XKR8: variants seen among roughly 807,000 people sequenced by gnomAD.
XKR8 encodes XK-related protein 8.
A neutral mutation model predicts 17.1 loss-of-function variants in XKR8; 10 were observed. That is an observed-to-expected ratio of 0.59 (90% CI 0.36 to 0.99). XKR8 has a LOEUF of 0.99. XKR8 is among the 50% of genes least tolerant of loss of function. The pLI, the probability that XKR8 is intolerant of heterozygous loss-of-function variation, is 0.01. For missense variants in XKR8, 411 were observed against 515.6 expected (o/e 0.80, Z 1.96); for synonymous variants, 213 against 251.9 (o/e 0.85, Z 1.46).
rs1273826045 is a variant in XKR8, at chr1:27,965,040, C to T, written c.490+1347C>T. ...AAACAATAATAGCGGCTGTCACAATCGAGTGCCAGCTATTAGCCAGGCCCT... is the reference window on the plus strand; with the variant it reads ...AAACAATAATAGCGGCTGTCACAATTGAGTGCCAGCTATTAGCCAGGCCCT... On this transcript the variant is annotated intron_variant, in intron 2 of 2. Coordinates refer to ENST00000373884, the MANE Select transcript of XKR8 (RefSeq NM_018053.4). This position sits in a 1 kb window ranked among gnomAD's most constrained non-coding sequence, Gnocchi z 4.1. Among the ~76,000 whole-genome samples the T allele has an allele frequency of 2.6e-5, 4 of 152,302 alleles. No individual in the cohort carries two copies. The highest frequency in any genetic ancestry group is 4.1e-4 in the South Asian group (2 of 4,826).
rs1270256435 is a variant in XKR8 at position 27,960,921 on chromosome 1, G to A, written c.293+559G>A. Among the ~76,000 whole-genome samples the A allele has an allele frequency of 6.6e-6, 1 of 152,220 alleles. No individual in the cohort carries two copies. The highest frequency in any genetic ancestry group is 1.5e-5 in the Non-Finnish European group (1 of 68,036). On this transcript the variant is annotated intron_variant, in intron 1 of 2. Coordinates refer to ENST00000373884, the MANE Select transcript of XKR8 (RefSeq NM_018053.4). The surrounding 1 kb of genome is among the most constrained non-coding windows in gnomAD (Gnocchi z 5.9). ...GTTTGGTTGCTGTTCCCATTGGGATGGGGATAGCGCCTGCCCGTTTGGTGA... is the reference window on the plus strand; with the variant it reads ...GTTTGGTTGCTGTTCCCATTGGGATAGGGATAGCGCCTGCCCGTTTGGTGA...
chr1:27,965,807 G>A lies in XKR8; in HGVS notation c.491-696G>A, dbSNP rs928381755. ...GACGGGGACAGGGGAGGAAGCAGTCGGGAGACGTGCCGGTGCCACTTCCAT... is the reference window on the plus strand; with the variant it reads ...GACGGGGACAGGGGAGGAAGCAGTCAGGAGACGTGCCGGTGCCACTTCCAT... On this transcript the variant is annotated intron_variant, in intron 2 of 2. Coordinates refer to ENST00000373884, the MANE Select transcript of XKR8 (RefSeq NM_018053.4). The surrounding 1 kb of genome is among the most constrained non-coding windows in gnomAD (Gnocchi z 4.1). Among the ~76,000 whole-genome samples the A allele has an allele frequency of 7.2e-5, 11 of 152,160 alleles. No homozygotes were observed. The highest frequency in any genetic ancestry group is 2.6e-4 in the Admixed American group (4 of 15,274).
rs751595886 is a variant in XKR8 at position 27,966,886 on chromosome 1, C to G, written c.874C>G (p.Leu292Val). 3 of 1,614,238 alleles carry G rather than the reference C, an allele frequency of 1.9e-6. No homozygotes were observed. In the South Asian group the frequency reaches 3.3e-5, roughly 18 times the overall value. The change falls in exon 3 of 3, where the codon CTC becomes GTC. Residue 292 changes from leucine (L) to valine (V), a missense_variant. Physicochemically the swap from Leu to Val is conservative, Grantham distance 32. Transcript: ENST00000373884. This position sits in a 1 kb window ranked among gnomAD's most constrained non-coding sequence, Gnocchi z 4.3. ...CCGGGCCATCATCCACTTCGCCTTC[C>G]TCCTGAGTGACAGCATTCTCCTGGT... is the stretch of plus-strand genomic sequence containing the variant. ...RGRAIIHFAF[L>V]LSDSILLVAT...
Position 27,959,988 on chromosome 1 carries a change from C to T in XKR8, c.-82C>T. ...GGGCCGCCCCGAGGGCTGCGCCCAC[C>T]TCCTTCCTGCCTCGGCAACCCCGGG... On this transcript the variant is annotated 5_prime_UTR_variant, in exon 1 of 3. Coordinates refer to ENST00000373884, the MANE Select transcript of XKR8 (RefSeq NM_018053.4). The T allele has an allele frequency of 7.8e-7, 1 of 1,287,632 alleles. No individual in the cohort carries two copies. Among genetic ancestry groups the T allele is most frequent in the Non-Finnish European group, 1.0e-6 (1 of 1,002,078 alleles). The allele number at this position is 1,287,632 out of a possible 1,614,324, so 79.8% of individuals were successfully genotyped here.
At chr1:27,962,123 CT>C (rs1280543648) in intron 1 of XKR8, among the ~76,000 whole-genome samples, 3 of 152,224 alleles carry the variant, frequency 2.0e-5, no homozygotes, top group African/African-American at 7.2e-5. Context: ...CAAATGTCCT[CT>C]TGCCCACAGG....
In XKR8 at chr1:27,960,655, T is replaced by C. The variant is rs144413760; in HGVS notation, c.293+293T>C. ...GACCTCTCAGGGATCCACTTCTGGC[T>C]TTGCCCCCTCTCGCCTCACTTCTGC... is the stretch of plus-strand genomic sequence containing the variant. On this transcript the variant is annotated intron_variant, in intron 1 of 2. Coordinates refer to ENST00000373884, the MANE Select transcript of XKR8 (RefSeq NM_018053.4). This position sits in a 1 kb window ranked among gnomAD's most constrained non-coding sequence, Gnocchi z 5.9. Among the ~76,000 whole-genome samples the C allele has an allele frequency of 5.0e-3, 766 of 152,308 alleles. 5 individuals carry two copies. Among genetic ancestry groups the C allele is most frequent in the African/African-American group, 9.5e-3 (393 of 41,570 alleles).
chr1:27,966,627 G>A lies in XKR8; in HGVS notation c.615G>A (p.Leu205=). 6.2e-7 allele frequency: 1 copy of A among 1,614,076 alleles called. No individual in the cohort carries two copies. The highest frequency in any genetic ancestry group is 1.1e-5 in the South Asian group (1 of 91,078). Reference sequence around the variant, plus strand: ...TGGGCTCCTCCGTGATCTACTTCCTGTGGAACCTGCTGCTGCTGTGGCCCC... The same window carrying A: ...TGGGCTCCTCCGTGATCTACTTCCTATGGAACCTGCTGCTGCTGTGGCCCC... ...LGLGSSVIYF[L]WNLLLLWPRV... is the part of the protein sequence containing the mutation. The change falls in exon 3 of 3, where the codon CTG becomes CTA. Residue 205 remains leucine, a synonymous_variant. Coordinates refer to ENST00000373884, the MANE Select transcript of XKR8 (RefSeq NM_018053.4). The surrounding 1 kb of genome is among the most constrained non-coding windows in gnomAD (Gnocchi z 4.3).
At chr1:27,963,808 T>C (rs1638518972) in intron 2 of XKR8, 115 bp downstream of exon 2, 12 of 1,131,614 alleles carry the variant, frequency 1.1e-5, no homozygotes, top group Non-Finnish European at 1.5e-5. Flanking sequence ...AGAACAGGCT[T>C]TAGTCAGGCA....
chr1:27,966,692 G>C lies in XKR8; in HGVS notation c.680G>C (p.Ser227Thr), dbSNP rs371932080. 1 of 1,614,040 alleles carries C rather than the reference G, an allele frequency of 6.2e-7. No homozygotes were observed. The highest frequency in any genetic ancestry group is 1.3e-5 in the African/African-American group (1 of 74,908). Residue 227 changes from serine to threonine, a missense_variant, in exon 3 of 3, where the codon AGC becomes ACC. Ser to Thr is a moderately conservative substitution (Grantham distance 58, BLOSUM62 1). Coordinates refer to ENST00000373884, the MANE Select transcript of XKR8 (RefSeq NM_018053.4). The surrounding 1 kb of genome is among the most constrained non-coding windows in gnomAD (Gnocchi z 4.3). ...AVALFSALFP[S>T]YVALHFLGLW... Reference sequence around the variant, plus strand: ...GCCCTGTTCTCAGCCCTCTTCCCCAGCTATGTGGCCCTGCACTTCCTGGGC... The same window carrying C: ...GCCCTGTTCTCAGCCCTCTTCCCCACCTATGTGGCCCTGCACTTCCTGGGC...
intron 1 of XKR8, among the ~76,000 whole-genome samples, 171 bp from the exon 2 acceptor site, chr1:27,963,326 C>A (rs1205822102): frequency 6.6e-6 from 1 of 152,230 alleles, no homozygotes; most frequent in Non-Finnish European, 1.5e-5. Context: ...GGCCTCGATC[C>A]TCATTTTACA....
In XKR8 at chr1:27,967,777, T is replaced by A. The variant is rs1036306095; in HGVS notation, c.*577T>A. 6.6e-6 allele frequency: 1 copy of A among 152,598 alleles called. No individual in the cohort carries two copies. Among genetic ancestry groups the A allele is most frequent in the Non-Finnish European group, 1.5e-5 (1 of 68,100 alleles). The allele number at this position is 152,598 out of a possible 1,614,324, so 9.5% of individuals were successfully genotyped here. A position where few individuals can be genotyped will look rare whatever the true frequency, so the allele number is the denominator to read the frequency against. On this transcript the variant is annotated 3_prime_UTR_variant, in exon 3 of 3. Coordinates refer to ENST00000373884, the MANE Select transcript of XKR8 (RefSeq NM_018053.4). The surrounding 1 kb of genome is among the most constrained non-coding windows in gnomAD (Gnocchi z 4.3). ...TTCATCCGCTACTTGCACCAACCAG[T>A]CCCGGGTTAGATCCCAAATGCTAGA... is the stretch of plus-strand genomic sequence containing the variant.
chr1:27,965,735 G>A lies in XKR8; in HGVS notation c.491-768G>A, dbSNP rs1638554781. Reference sequence around the variant, plus strand: ...TGTTTCCAGGCTAGGAGTGGGTTCTGGGCGCCTAATAGGTTCCCAGTAAAC... The same window carrying A: ...TGTTTCCAGGCTAGGAGTGGGTTCTAGGCGCCTAATAGGTTCCCAGTAAAC... On this transcript the variant is annotated intron_variant, in intron 2 of 2. Transcript: ENST00000373884. The surrounding 1 kb of genome is among the most constrained non-coding windows in gnomAD (Gnocchi z 4.1). Among the ~76,000 whole-genome samples, 1 of 152,170 alleles carries A rather than the reference G, an allele frequency of 6.6e-6. No individual in the cohort carries two copies. Among genetic ancestry groups the A allele is most frequent in the African/African-American group, 2.4e-5 (1 of 41,426 alleles).
chr1:27,966,423 G>A lies in XKR8; in HGVS notation c.491-80G>A. 3 of 1,394,470 alleles carry A rather than the reference G, an allele frequency of 2.2e-6. No individual in the cohort carries two copies. The highest frequency in any genetic ancestry group is 1.4e-5 in the African/African-American group (1 of 69,936). 86.4% of individuals were successfully genotyped at this position (1,394,470 alleles called of 1,614,324 possible). On this transcript the variant is annotated intron_variant, in intron 2 of 2. Transcript: ENST00000373884. The surrounding 1 kb of genome is among the most constrained non-coding windows in gnomAD (Gnocchi z 4.3). ...TACCTACCCCAGGGTTGCTGGGAGG[G>A]CCCCCACGGTACCTGTGACCGCTGG...
At position 27,960,948 on chromosome 1, in the gene XKR8, G is replaced by A. The variant is rs1282676021; in HGVS notation, c.293+586G>A. On this transcript the variant is annotated intron_variant, in intron 1 of 2. Transcript: ENST00000373884. The surrounding 1 kb of genome is among the most constrained non-coding windows in gnomAD (Gnocchi z 5.9). ...GGATAGCGCCTGCCCGTTTGGTGAA[G>A]ATGCAGTGAAATGACATCTGTCCAC... Among the ~76,000 whole-genome samples, 3 of 152,214 alleles carry A rather than the reference G, an allele frequency of 2.0e-5. No homozygotes were observed. Among genetic ancestry groups the A allele is most frequent in the Non-Finnish European group, 4.4e-5 (3 of 68,032 alleles).
intron 1 of XKR8, among the ~76,000 whole-genome samples, chr1:27,962,280 G>A (rs1044872968): frequency 3.3e-5 from 5 of 152,192 alleles, no homozygotes; most frequent in African/African-American, 1.2e-4. Flanking sequence ...TTTTTAAAAA[G>A]AGGTAGGGTC....
chr1:27,961,834 G>A (rs940407328), intron 1 of XKR8, among the ~76,000 whole-genome samples: 4 of 152,146 alleles, frequency 2.6e-5, no homozygotes, highest in South Asian at 2.1e-4. Flanking sequence ...ATGAGTGAAC[G>A]GGGTTCTCTC....
rs377562674 is a variant in XKR8, at chr1:27,966,261, C to T, written c.491-242C>T. On this transcript the variant is annotated intron_variant, in intron 2 of 2. Transcript: ENST00000373884. This position sits in a 1 kb window ranked among gnomAD's most constrained non-coding sequence, Gnocchi z 4.3. ...CCTCTCATCTTTGACAAATACCACC[C>T]GGATAGCACCTACGCAGCAAAGCGC... is the stretch of plus-strand genomic sequence containing the variant. Among the ~76,000 whole-genome samples, 1 of 152,144 alleles carries T rather than the reference C, an allele frequency of 6.6e-6. No individual in the cohort carries two copies. The highest frequency in any genetic ancestry group is 1.5e-5 in the Non-Finnish European group (1 of 68,016).
chr1:27,966,302 G>A lies in XKR8; in HGVS notation c.491-201G>A, dbSNP rs540670829. ...AGCAAAGCGCTGTGGTGAGGGGCAG[G>A]CTCTATATTAGGAGTCATAGCTTTG... On this transcript the variant is annotated intron_variant, in intron 2 of 2. Transcript: ENST00000373884. This position sits in a 1 kb window ranked among gnomAD's most constrained non-coding sequence, Gnocchi z 4.3. Among the ~76,000 whole-genome samples the A allele has an allele frequency of 6.6e-6, 1 of 152,252 alleles. No homozygotes were observed. The highest frequency in any genetic ancestry group is 1.5e-5 in the Non-Finnish European group (1 of 68,016).
Position 27,960,215 on chromosome 1 carries a change from T to TGCTGGC in XKR8, c.151_156dup (p.Ala51_Leu52dup), listed in dbSNP as rs1489911649. 1.3e-6 allele frequency: 2 copies of TGCTGGC among 1,527,014 alleles called. No homozygotes were observed. Among genetic ancestry groups the TGCTGGC allele is most frequent in the African/African-American group, 1.4e-5 (1 of 71,692 alleles). 94.6% of individuals were successfully genotyped at this position (1,527,014 alleles called of 1,614,324 possible). A position where few individuals can be genotyped will look rare whatever the true frequency, so the allele number is the denominator to read the frequency against. On this transcript the variant is annotated inframe_insertion, in exon 1 of 3. Coordinates refer to ENST00000373884, the MANE Select transcript of XKR8 (RefSeq NM_018053.4). The surrounding 1 kb of genome is among the most constrained non-coding windows in gnomAD (Gnocchi z 5.9). ...GGCCGCTACCTGTGGGCGGCGCTGG[T>TGCTGGC]GCTGGCGCTGCTGGGCCTGGCCTCC...
Sources: allele counts gnomAD v4.1 joint callset (sites outside exome capture counted in the v4.1 genomes callset), GRCh38; gene constraint gnomAD v4.1.1; non-coding constraint Gnocchi (gnomAD v3.1); transcripts MANE v1.5; gene names NCBI Gene and HGNC (gene_info 2026-07-23, HGNC 2026-07-21).